The following MYO1B variants were observed in gnomAD, a reference collection of about 807,000 sequenced individuals.
MYO1B encodes myosin IB, also known as unconventional myosin-Ib.
A neutral mutation model predicts 159.7 loss-of-function variants in MYO1B; 72 were observed. The observed-to-expected ratio is 0.45, with a 90% CI of 0.37 to 0.55. The LOEUF (loss-of-function observed/expected upper bound fraction) is 0.55, where lower values mean the gene tolerates loss of function less well. Among genes scored for constraint, MYO1B ranks in the 20% least tolerant of loss-of-function variants. The pLI, the probability that MYO1B is intolerant of heterozygous loss-of-function variation, is 0.00. For missense variants in MYO1B, 1,062 were observed against 1,364.8 expected, an observed-to-expected ratio of 0.78 and a Z score of 3.50; for synonymous variants, 468 against 473.8, an observed-to-expected ratio of 0.99 and a Z score of 0.16.
intron 3 of MYO1B, among the ~76,000 whole-genome samples, chr2:191,311,972 A>T (rs190959852): frequency 1.8e-4 from 28 of 152,352 alleles, no homozygotes; most frequent in Admixed American, 1.4e-3. Flanking sequence ...CATAACTTTT[A>T]TTATAAGAAT....
At chr2:191,368,676 C>A (rs940403876) in intron 11 of MYO1B, among the ~76,000 whole-genome samples, 1 of 152,066 alleles carries the variant, frequency 6.6e-6, no homozygotes, top group Non-Finnish European at 1.5e-5. Context: ...TTTAAATACT[C>A]AAGTGATTAG....
chr2:191,260,535 G>A (rs1430247094), intron 1 of MYO1B, among the ~76,000 whole-genome samples: 1 of 151,880 alleles, frequency 6.6e-6, no homozygotes, highest in Non-Finnish European at 1.5e-5. Context: ...TGAAGAGAGT[G>A]AATGTCAGAT....
rs1693606172 is a variant in MYO1B at position 191,360,727 on chromosome 2, T to G, written c.659T>G (p.Leu220Arg). 1.9e-6 allele frequency: 3 copies of G among 1,597,868 alleles called. No individual in the cohort carries two copies. In the Admixed American group the frequency reaches 5.1e-5, roughly 27 times the overall value. ...CTCTCTGGTGCCTCTGAAGAGCTCC[T>G]CAGTAAGTCTCTGTTTCTATGTGGT... ...QLLSGASEELLNKLKLERDFS... is the reference protein window; with the variant it reads ...QLLSGASEELRNKLKLERDFS... Residue 220 changes from leucine to arginine, a missense_variant and splice_region_variant, in exon 8 of 31, where the codon CTC becomes CGC. By Grantham distance (102) the Leu-to-Arg change is moderately radical. Coordinates refer to ENST00000392318, the MANE Select transcript of MYO1B (RefSeq NM_001130158.3).
intron 3 of MYO1B, among the ~76,000 whole-genome samples, chr2:191,303,417 C>A (rs138918795): frequency 2.0e-5 from 3 of 152,118 alleles, no homozygotes. Context: ...TGATCCAGTA[C>A]GTCTCCACAA....
chr2:191,372,288 TATC>T (rs1694410318), intron 13 of MYO1B, among the ~76,000 whole-genome samples: 2 of 152,254 alleles, frequency 1.3e-5, no homozygotes, highest in South Asian at 4.1e-4. Context: ...AATGGCTTAA[TATC>T]ATATCACAAC....
intron 11 of MYO1B, among the ~76,000 whole-genome samples, chr2:191,368,226 C>A (rs1574526260): frequency 6.6e-6 from 1 of 152,308 alleles, no homozygotes; most frequent in East Asian, 1.9e-4. Flanking sequence ...CATAATCTAA[C>A]AAGTTGTGCT....
chr2:191,406,601 G>A (rs1696929530), intron 24 of MYO1B, among the ~76,000 whole-genome samples: 1 of 152,214 alleles, frequency 6.6e-6, no homozygotes, highest in Non-Finnish European at 1.5e-5. Context: ...GGAGAGAGAT[G>A]GGAGAATGGC....
At chr2:191,336,583 A>G (rs1691860020) in intron 4 of MYO1B, among the ~76,000 whole-genome samples, 2 of 152,162 alleles carry the variant, frequency 1.3e-5, no homozygotes, top group Non-Finnish European at 2.9e-5. Flanking sequence ...CTTCCCTTGT[A>G]ACAAAGGCTG....
chr2:191,304,655 T>G (rs1293595095), intron 3 of MYO1B, among the ~76,000 whole-genome samples: 1 of 152,212 alleles, frequency 6.6e-6, no homozygotes, highest in Non-Finnish European at 1.5e-5. Context: ...TAATTTTTCT[T>G]CCAGATCATG....
chr2:191,295,597 A>G (rs906075166), intron 2 of MYO1B, among the ~76,000 whole-genome samples: 3 of 152,184 alleles, frequency 2.0e-5, no homozygotes, highest in Non-Finnish European at 4.4e-5. Flanking sequence ...ATTGAACGTG[A>G]TCTGAGCCCA....
intron 5 of MYO1B, among the ~76,000 whole-genome samples, chr2:191,345,489 G>C (rs1458186154): frequency 6.6e-6 from 1 of 152,126 alleles, no homozygotes; most frequent in African/African-American, 2.4e-5. Flanking sequence ...CTGTGTGTCT[G>C]GACCAGCGTC....
At chr2:191,323,916 A>G (rs916018009) in intron 3 of MYO1B, among the ~76,000 whole-genome samples, 3 of 151,698 alleles carry the variant, frequency 2.0e-5, no homozygotes, top group Admixed American at 6.6e-5. Context: ...ACAGTCTTGG[A>G]AAAAAAATGA....
chr2:191,316,843 G>A (rs145078156), intron 3 of MYO1B, among the ~76,000 whole-genome samples: 5 of 152,314 alleles, frequency 3.3e-5, no homozygotes, highest in Admixed American at 6.5e-5. Context: ...TGAGCAGAGG[G>A]TTGTCACTGT....
At chr2:191,260,332 T>C (rs1295475891) in intron 1 of MYO1B, among the ~76,000 whole-genome samples, 2 of 146,124 alleles carry the variant, frequency 1.4e-5, no homozygotes, top group Non-Finnish European at 3.0e-5. Context: ...CTTATATGCA[T>C]GGTACTGGGG....
intron 3 of MYO1B, among the ~76,000 whole-genome samples, chr2:191,319,529 AAGTC>A (rs1257940525): frequency 5.9e-5 from 9 of 152,274 alleles, no homozygotes; most frequent in South Asian, 2.1e-4. Flanking sequence ...TTCTATTTGA[AAGTC>A]TAGAGGAAGG....
intron 30 of MYO1B, among the ~76,000 whole-genome samples, chr2:191,419,736 GCCT>G (rs765101775): frequency 9.2e-5 from 14 of 151,872 alleles, no homozygotes; most frequent in Non-Finnish European, 2.1e-4. Context: ...CCCTGTGTAG[GCCT>G]AGGCTAATAT....
chr2:191,293,193 C>T (rs2125801723), intron 2 of MYO1B, among the ~76,000 whole-genome samples: 1 of 152,328 alleles, frequency 6.6e-6, no homozygotes, highest in East Asian at 1.9e-4. Context: ...AATCAAGTCA[C>T]AGGGAGAAAT....
intron 3 of MYO1B, among the ~76,000 whole-genome samples, chr2:191,317,444 A>T (rs922858550): frequency 9.2e-5 from 14 of 152,212 alleles, no homozygotes; most frequent in Non-Finnish European, 1.8e-4. Flanking sequence ...AAGGGCCTGC[A>T]ATGTTACTAG....
At chr2:191,346,658 C>G (rs1692586607) in intron 6 of MYO1B, among the ~76,000 whole-genome samples, 1 of 152,130 alleles carries the variant, frequency 6.6e-6, no homozygotes, top group African/African-American at 2.4e-5. Flanking sequence ...TAACCCTTGT[C>G]CCTTATTCAG....
Sources: gnomAD v4.1 joint callset for allele counts (sites outside exome capture counted in the v4.1 genomes callset) on GRCh38, gnomAD v4.1.1 for gene constraint, MANE v1.5 for transcripts, NCBI Gene and HGNC (gene_info 2026-07-23, HGNC 2026-07-21) for gene names.